STAG1: variants seen among roughly 807,000 people sequenced by gnomAD.
STAG1 encodes cohesin subunit SA-1.
A neutral mutation model predicts 170.9 loss-of-function variants in STAG1; 26 were observed. The observed-to-expected ratio is 0.15, with a 90% CI of 0.11 to 0.21. The LOEUF (loss-of-function observed/expected upper bound fraction) is 0.21, where lower values mean the gene tolerates loss of function less well. Ranked by LOEUF, STAG1 falls within the 10% of genes least tolerant of loss-of-function variation. The pLI, the probability that STAG1 is intolerant of heterozygous loss-of-function variation, is 1.00. For missense variants in STAG1, 964 were observed against 1,509.5 expected (o/e 0.64, Z 5.99); for synonymous variants, 514 against 497.7 (o/e 1.03, Z -0.44).
At chr3:136,593,369 C>G (rs1938280395) in intron 4 of STAG1, among the ~76,000 whole-genome samples, 1 of 152,234 alleles carries the variant, frequency 6.6e-6, no homozygotes, top group Non-Finnish European at 1.5e-5. Flanking sequence ...GAATGCCCAC[C>G]AGCGTCAGGC....
In STAG1 at chr3:136,712,153, G is replaced by A. The variant is rs149006544; in HGVS notation, c.-84+40042C>T. Among the ~76,000 whole-genome samples, 946 of 152,242 alleles carry A rather than the reference G, an allele frequency of 6.2e-3. 4 individuals carry two copies. Among genetic ancestry groups the A allele is most frequent in the Non-Finnish European group, 0.011 (744 of 68,018 alleles). On this transcript the variant is annotated intron_variant, in intron 1 of 33. Transcript: ENST00000383202. ...CTGCCTCAGCCTCCTGAGTAACTGGGATTACAGGCGCACGCCACCACACCC... is the reference window on the plus strand; with the variant it reads ...CTGCCTCAGCCTCCTGAGTAACTGGAATTACAGGCGCACGCCACCACACCC...
At chr3:136,495,520 A>G (rs1933030756) in intron 9 of STAG1, among the ~76,000 whole-genome samples, 1 of 152,184 alleles carries the variant, frequency 6.6e-6, no homozygotes, top group African/African-American at 2.4e-5. Context: ...TCACGAACTT[A>G]TATCAAGAAT....
chr3:136,545,413 C>T (rs533512013), intron 5 of STAG1, among the ~76,000 whole-genome samples: 1 of 151,984 alleles, frequency 6.6e-6, no homozygotes, highest in African/African-American at 2.4e-5. Flanking sequence ...AAACAGCAAA[C>T]TGTAAATCAA....
intron 23 of STAG1, among the ~76,000 whole-genome samples, chr3:136,375,697 G>A (rs1937558481): frequency 2.6e-5 from 4 of 151,476 alleles, no homozygotes; most frequent in Non-Finnish European, 5.9e-5. Flanking sequence ...TGGGCCAGGT[G>A]CAGTGGCTCA....
chr3:136,596,492 C>CA (rs753118704), intron 4 of STAG1, among the ~76,000 whole-genome samples: 12 of 151,908 alleles, frequency 7.9e-5, no homozygotes, highest in Non-Finnish European at 1.3e-4. Context: ...ACTAGGAAGC[C>CA]AAAAAGTTTG....
At chr3:136,549,405 G>C (rs1936292689) in intron 5 of STAG1, among the ~76,000 whole-genome samples, 1 of 151,926 alleles carries the variant, frequency 6.6e-6, no homozygotes, top group South Asian at 2.1e-4. Context: ...CCGTCTCCCA[G>C]GTTCAAGCAA....
chr3:136,377,373 C>A (rs1262811620), intron 23 of STAG1, among the ~76,000 whole-genome samples: 3 of 29,846 alleles, frequency 1.0e-4, no homozygotes, highest in Non-Finnish European at 1.6e-4. Context: ...GGCGACAGAG[C>A]GAGACTCTGT....
chr3:136,422,803 C>A lies in STAG1; in HGVS notation c.1798G>T (p.Asp600Tyr). ...ANLLQIPQYFDLEIYSTGRME... is the reference protein window; with the variant it reads ...ANLLQIPQYFYLEIYSTGRME... ...CTACCTGTGCTGTAGATTTCTAAAT[C>A]AAAATACTGTGGGATTTGTAGCAAG... Residue 600 changes from aspartate (D) to tyrosine (Y), a missense_variant, in exon 18 of 34, where the codon GAT becomes TAT. Physicochemically the swap from Asp to Tyr is radical, Grantham distance 160. Coordinates refer to ENST00000383202, the MANE Select transcript of STAG1 (RefSeq NM_005862.3). 1.2e-6 allele frequency: 2 copies of A among 1,608,806 alleles called. No individual in the cohort carries two copies. Among genetic ancestry groups the A allele is most frequent in the South Asian group, 2.2e-5 (2 of 89,544 alleles).
chr3:136,399,981 G>GT (rs2087272215), intron 21 of STAG1, among the ~76,000 whole-genome samples: 3 of 151,972 alleles, frequency 2.0e-5, no homozygotes, highest in Non-Finnish European at 2.9e-5. Context: ...GGAGTGCAGT[G>GT]GTGTGATCAC....
intron 4 of STAG1, among the ~76,000 whole-genome samples, chr3:136,595,702 A>G (rs1210169461): frequency 6.7e-6 from 1 of 148,902 alleles, no homozygotes; most frequent in Non-Finnish European, 1.5e-5. Context: ...AAATAAATAA[A>G]TAAATAAATA....
intron 9 of STAG1, among the ~76,000 whole-genome samples, chr3:136,496,782 A>G (rs1933130083): frequency 6.6e-6 from 1 of 152,174 alleles, no homozygotes; most frequent in African/African-American, 2.4e-5. Flanking sequence ...GAAAGGAAAT[A>G]AAGGACAGAA....
chr3:136,751,878 T>C (rs1301541712), intron 1 of STAG1, among the ~76,000 whole-genome samples: 6 of 150,284 alleles, frequency 4.0e-5, no homozygotes. Context: ...CCTGTCGCCG[T>C]AGTGCCCGGG....
At chr3:136,354,536 A>C (rs901609155) in intron 28 of STAG1, among the ~76,000 whole-genome samples, 1 of 151,840 alleles carries the variant, frequency 6.6e-6, no homozygotes, top group African/African-American at 2.4e-5. Flanking sequence ...TCTTGACCTC[A>C]AGTGATCTGC....
At chr3:136,680,375 T>A (rs536228922) in intron 1 of STAG1, among the ~76,000 whole-genome samples, 2 of 152,300 alleles carry the variant, frequency 1.3e-5, no homozygotes, top group East Asian at 3.9e-4. Flanking sequence ...ATCCCTTTTT[T>A]AAAAATCTTC....
intron 3 of STAG1, among the ~76,000 whole-genome samples, chr3:136,621,195 C>G (rs529280328): frequency 6.6e-6 from 1 of 152,130 alleles, no homozygotes; most frequent in South Asian, 2.1e-4. Flanking sequence ...TAAACAGGTT[C>G]TAACGAATTA....
chr3:136,600,842 A>AT (rs1288540871), intron 4 of STAG1, among the ~76,000 whole-genome samples: 1 of 146,264 alleles, frequency 6.8e-6, no homozygotes, highest in Non-Finnish European at 1.5e-5. Flanking sequence ...TGTGCTCTTT[A>AT]TTTTTTCTTG....
At position 136,457,075 on chromosome 3, in the gene STAG1, G is replaced by C. The variant is rs191711384; in HGVS notation, c.1314-4928C>G. 6.8e-3 allele frequency among the ~76,000 whole-genome samples: 1,031 copies of C among 152,282 alleles called. 14 individuals are homozygous for C. The highest frequency in any genetic ancestry group is 5.8e-3 in the Non-Finnish European group (392 of 68,024). On this transcript the variant is annotated intron_variant, in intron 13 of 33. Transcript: ENST00000383202. ...AGAAAAGCTCAGGCAGGATTGGCTT[G>C]TCTGTCATAATATAAAAGAGTCTTG...
chr3:136,721,324 G>A (rs889980715), intron 1 of STAG1: 2 of 152,160 alleles, frequency 1.3e-5, no homozygotes, highest in Non-Finnish European at 2.9e-5. Flanking sequence ...GTTCAATTTG[G>A]AACTAAGTAA....
In STAG1 at chr3:136,605,286, C is replaced by A. The variant is rs1404882903; in HGVS notation, c.133-813G>T. On this transcript the variant is annotated intron_variant, in intron 3 of 33. Transcript: ENST00000383202. The stretch of plus-strand genomic sequence containing the variant: ...TTAACATACCATCCCCTCCCCCCAA[C>A]TTTATTTTAAAAAGTTAATACTTGC... 3.9e-5 allele frequency among the ~76,000 whole-genome samples: 6 copies of A among 152,146 alleles called. No homozygotes were observed. The East Asian group carries it at 1.2e-3, about 29-fold the overall frequency.
Sources: gnomAD v4.1 joint callset for allele counts (sites outside exome capture counted in the v4.1 genomes callset) on GRCh38, gnomAD v4.1.1 for gene constraint, MANE v1.5 for transcripts, NCBI Gene and HGNC (gene_info 2026-07-23, HGNC 2026-07-21) for gene names.